SEMA5B: variants seen among roughly 807,000 people sequenced by gnomAD.
The protein encoded by SEMA5B is semaphorin 5B.
Under a neutral mutation model 135.0 loss-of-function variants are expected in SEMA5B, and 66 were observed. The observed-to-expected ratio is 0.49, with a 90% CI of 0.40 to 0.60. The LOEUF (loss-of-function observed/expected upper bound fraction) is 0.60. SEMA5B is among the 20% of genes least tolerant of loss of function. The pLI is 0.00. For synonymous variants in SEMA5B, 690 were observed against 639.5 expected, an observed-to-expected ratio of 1.08 and a Z score of -1.19; for missense variants, 1,501 against 1,566.3, an observed-to-expected ratio of 0.96 and a Z score of 0.70.
intron 1 of SEMA5B, among the ~76,000 whole-genome samples, chr3:123,006,705 G>A (rs945994661): frequency 2.0e-5 from 3 of 152,152 alleles, no homozygotes; most frequent in African/African-American, 7.2e-5. Context: ...TTAAGCCAAG[G>A]GAAGCCTTGG....
intron 3 of SEMA5B, 129 bp from the exon 4 acceptor site, chr3:122,943,664 G>A: frequency 4.7e-6 from 3 of 641,102 alleles, no homozygotes; most frequent in South Asian, 3.8e-5. Flanking sequence ...GAGACCTGGT[G>A]CCACCTGCCC....
intron 1 of SEMA5B, among the ~76,000 whole-genome samples, chr3:122,982,786 C>T (rs1202533228): frequency 6.6e-6 from 1 of 152,172 alleles, no homozygotes; most frequent in Non-Finnish European, 1.5e-5. Context: ...CATTCACTCT[C>T]CTCTTATTCT....
rs200299701 is a variant in SEMA5B at position 122,929,037 on chromosome 3, C to T, written c.496G>A (p.Glu166Lys). The part of the protein sequence containing the change: ...LLQATEWASS[E>K]DTRRSCQSKG... ...CTTTGGCAGGAGCGGCGCGTGTCCT[C>T]ACTGGAGGCCCACTCTGTGGCCTGG... The change falls in exon 6 of 23, where the codon GAG becomes AAG. Residue 166 changes from glutamate (E) to lysine (K), a missense_variant. Glu to Lys is a moderately conservative substitution (Grantham distance 56, BLOSUM62 1). Transcript: ENST00000357599. 255 of 1,612,016 alleles carry T rather than the reference C, an allele frequency of 1.6e-4. No individual in the cohort carries two copies. In the Middle Eastern group the frequency reaches 2.1e-3, roughly 14 times the overall value.
At chr3:122,981,169 A>G (rs552333845) in intron 1 of SEMA5B, among the ~76,000 whole-genome samples, 2 of 152,248 alleles carry the variant, frequency 1.3e-5, no homozygotes, top group Admixed American at 1.3e-4. Flanking sequence ...CCCTCCACGA[A>G]TCCCAGGGGA....
At chr3:122,971,915 T>C (rs948721481) in intron 1 of SEMA5B, among the ~76,000 whole-genome samples, 2 of 152,242 alleles carry the variant, frequency 1.3e-5, no homozygotes, top group African/African-American at 4.8e-5. Context: ...ACAGAGAGAA[T>C]AATGATAGCA....
At chr3:122,995,678 C>A (rs1026349403) in intron 1 of SEMA5B, among the ~76,000 whole-genome samples, 7 of 152,190 alleles carry the variant, frequency 4.6e-5, no homozygotes, top group Non-Finnish European at 7.3e-5. Context: ...AGCCCAGTAT[C>A]ATGGGGAGAT....
chr3:122,910,516 A>T (rs879817616), intron 22 of SEMA5B, among the ~76,000 whole-genome samples: 2 of 152,152 alleles, frequency 1.3e-5, no homozygotes, highest in Admixed American at 6.5e-5. Flanking sequence ...CTGCTTCTAC[A>T]AGAAGGCTCC....
At chr3:123,014,380 G>A (rs1337312106) in intron 1 of SEMA5B, among the ~76,000 whole-genome samples, 1 of 152,256 alleles carries the variant, frequency 6.6e-6, no homozygotes, top group Non-Finnish European at 1.5e-5. Flanking sequence ...GACAGGAGAT[G>A]TTGGTAGACA....
At chr3:122,966,356 C>T (rs745560404) in intron 1 of SEMA5B, among the ~76,000 whole-genome samples, 1 of 152,018 alleles carries the variant, frequency 6.6e-6, no homozygotes, top group Non-Finnish European at 1.5e-5. Context: ...TAAAGAGTTG[C>T]TCAGAGAAGA....
In SEMA5B at chr3:122,912,764, G is replaced by T. The variant is rs1045182793; in HGVS notation, c.2725+79C>A. On this transcript the variant is annotated intron_variant, in intron 18 of 22. Transcript: ENST00000357599. ...GGTCACCTGGGCATTGGGGTTCCTG[G>T]GTAGGCCTGGGGCGGGGAAGGGGGC... The T allele has an allele frequency of 1.7e-5, 23 of 1,360,074 alleles. No homozygotes were observed. The African/African-American group carries it at 1.9e-4, about 11-fold the overall frequency. The allele number at this position is 1,360,074 out of a possible 1,614,324, so 84.3% of individuals were successfully genotyped here.
chr3:122,915,827 T>C lies in SEMA5B; in HGVS notation c.1752A>G (p.Thr584=). The part of the protein sequence containing the change: ...GWDGKQQRCS[T]LEDSSNMSLW... ...GGCTCATGTTGGAGCTGTCCTCGAG[T>C]GTGCTGCAACGTTGCTGCTTCCCGT... The change falls in exon 13 of 23, where the codon ACA becomes ACG. Residue 584 remains threonine (T), a synonymous_variant. Transcript: ENST00000357599. The C allele has an allele frequency of 6.2e-7, 1 of 1,613,944 alleles. No individual in the cohort carries two copies.
Position 122,913,404 on chromosome 3 carries a change from G to A in SEMA5B, c.2301C>T (p.Pro767=), listed in dbSNP as rs749329915. 14 of 1,573,704 alleles carry A rather than the reference G, an allele frequency of 8.9e-6. No individual in the cohort carries two copies. The highest frequency in any genetic ancestry group is 1.1e-5 in the South Asian group (1 of 88,454). The change falls in exon 17 of 23, where the codon CCC becomes CCT. Residue 767 remains proline (P), a synonymous_variant. Transcript: ENST00000357599. ...GCGVEFKTCN[P]EGCPEVRRNT... ...TGCGCCGCACTTCGGGGCAGCCCTCGGGGTTGCACGTCTTGAACTCCTGCG... is the reference window on the plus strand; with the variant it reads ...TGCGCCGCACTTCGGGGCAGCCCTCAGGGTTGCACGTCTTGAACTCCTGCG...
intron 1 of SEMA5B, among the ~76,000 whole-genome samples, chr3:123,000,191 G>A (rs1942135213): frequency 6.6e-6 from 1 of 152,178 alleles, no homozygotes; most frequent in South Asian, 2.1e-4. Context: ...CTGGGCAACA[G>A]AGTAAGACTC....
chr3:122,974,333 C>T (rs1200834199), intron 1 of SEMA5B, among the ~76,000 whole-genome samples: 1 of 152,232 alleles, frequency 6.6e-6, no homozygotes, highest in Non-Finnish European at 1.5e-5. Context: ...TGAGTGAAGG[C>T]CAGGCCTGGG....
intron 12 of SEMA5B, among the ~76,000 whole-genome samples, chr3:122,917,575 T>C (rs1052180089): frequency 1.3e-5 from 2 of 151,762 alleles, no homozygotes; most frequent in Non-Finnish European, 2.9e-5. Context: ...AAAAATGAGG[T>C]TAATTATACA....
At position 122,961,121 on chromosome 3, in the gene SEMA5B, C is replaced by A. The variant is rs762424592; in HGVS notation, c.124+19G>T. 1.3e-6 allele frequency: 2 copies of A among 1,588,142 alleles called. No homozygotes were observed. Among genetic ancestry groups the A allele is most frequent in the Admixed American group, 3.4e-5 (2 of 58,472 alleles). On this transcript the variant is annotated intron_variant, in intron 2 of 22. Transcript: ENST00000357599. Reference sequence around the variant, plus strand: ...CTGGTACCTGCTGCAGCCCCCCACACTCCCCTGGGCACACTTACCCCTGAC... The same window carrying A: ...CTGGTACCTGCTGCAGCCCCCCACAATCCCCTGGGCACACTTACCCCTGAC...
At chr3:122,969,954 G>T (rs906623957) in intron 1 of SEMA5B, among the ~76,000 whole-genome samples, 2 of 152,170 alleles carry the variant, frequency 1.3e-5, no homozygotes, top group African/African-American at 4.8e-5. Flanking sequence ...CCTGGCTGCT[G>T]GTTTCAGGAA....
intron 3 of SEMA5B, among the ~76,000 whole-genome samples, chr3:122,945,534 T>C (rs1462275669): frequency 1.3e-5 from 2 of 152,180 alleles, no homozygotes; most frequent in African/African-American, 2.4e-5. Context: ...TTGTATGTTA[T>C]GGTGTATTTG....
At chr3:122,954,909 C>T (rs1383218352) in intron 2 of SEMA5B, among the ~76,000 whole-genome samples, 1 of 151,442 alleles carries the variant, frequency 6.6e-6, no homozygotes, top group East Asian at 1.9e-4. Flanking sequence ...CCTCCCTCCT[C>T]AGCCTCCAGA....
Sources: gnomAD v4.1 joint callset for allele counts (sites outside exome capture counted in the v4.1 genomes callset) on GRCh38, gnomAD v4.1.1 for gene constraint, MANE v1.5 for transcripts, NCBI Gene and HGNC (gene_info 2026-07-23, HGNC 2026-07-21) for gene names.